DTNB: variants seen among roughly 807,000 people sequenced by gnomAD.
DTNB encodes dystrobrevin beta, also known as DTN-B.
Under a neutral mutation model 90.7 loss-of-function variants are expected in DTNB, and 63 were observed. The ratio of observed to expected loss-of-function variants is 0.69; its 90% CI spans 0.57 to 0.86. The LOEUF (loss-of-function observed/expected upper bound fraction) is 0.86, where lower values mean the gene tolerates loss of function less well. Among genes scored for constraint, DTNB ranks in the 40% least tolerant of loss-of-function variants. The probability of loss-of-function intolerance (pLI) is 0.00; values close to 1 mark genes in which losing one functional copy is unlikely to be tolerated. For missense variants in DTNB, 744 were observed against 807.1 expected, an observed-to-expected ratio of 0.92 and a Z score of 0.95; for synonymous variants, 277 against 286.7, an observed-to-expected ratio of 0.97 and a Z score of 0.34.
At chr2:25,568,059 G>A (rs2059298038) in intron 8 of DTNB, among the ~76,000 whole-genome samples, 1 of 151,916 alleles carries the variant, frequency 6.6e-6, no homozygotes, top group South Asian at 2.1e-4. Flanking sequence ...TTGGGAGGCT[G>A]AAGCAGGAGA....
At chr2:25,640,172 A>AT (rs2077949473) in intron 2 of DTNB, among the ~76,000 whole-genome samples, 1 of 152,196 alleles carries the variant, frequency 6.6e-6, no homozygotes, top group African/African-American at 2.4e-5. Flanking sequence ...TATAAATCAC[A>AT]TTTTGTTCTC....
At chr2:25,467,230 C>T (rs756503009) in intron 10 of DTNB, among the ~76,000 whole-genome samples, 3 of 152,066 alleles carry the variant, frequency 2.0e-5, no homozygotes, top group South Asian at 4.2e-4. Context: ...TTGACTACTG[C>T]TACTATACTA....
intron 9 of DTNB, among the ~76,000 whole-genome samples, chr2:25,512,610 C>T (rs987811202): frequency 5.3e-5 from 8 of 152,066 alleles, no homozygotes; most frequent in African/African-American, 1.7e-4. Flanking sequence ...AATAAGAGCT[C>T]AAGGAATTTA....
intron 6 of DTNB, among the ~76,000 whole-genome samples, chr2:25,590,715 G>A (rs1440610927): frequency 2.0e-5 from 3 of 152,178 alleles, no homozygotes; most frequent in African/African-American, 4.8e-5. Flanking sequence ...GGGAGGAAGC[G>A]CATGCTGACA....
chr2:25,434,024 T>C (rs2054838067), intron 12 of DTNB, 29 bp from the exon 13 acceptor site: 2 of 1,595,914 alleles, frequency 1.3e-6, no homozygotes, highest in South Asian at 1.1e-5. Flanking sequence ...GAGAAAGTTT[T>C]TTTTTTTCTG....
chr2:25,662,667 CACACACACACACAA>C (rs914231309), intron 1 of DTNB, among the ~76,000 whole-genome samples: 1 of 77,612 alleles, frequency 1.3e-5, no homozygotes, highest in African/African-American at 3.4e-5. Context: ...CACACACACA[CACACACACACACAA>C]ACACACACAC....
chr2:25,377,696 G>A (rs2036212608), intron 20 of DTNB, 143 bp from the exon 21 acceptor site: 1 of 152,384 alleles, frequency 6.6e-6, no homozygotes, highest in Non-Finnish European at 1.5e-5. Flanking sequence ...GCTGAAGGGT[G>A]GTACCTAGGG....
At chr2:25,551,392 T>C (rs1353771512) in intron 8 of DTNB, among the ~76,000 whole-genome samples, 5 of 152,214 alleles carry the variant, frequency 3.3e-5, no homozygotes, top group Non-Finnish European at 5.9e-5. Context: ...AGGCTTCCCC[T>C]GGATTTTCAT....
chr2:25,428,930 C>T (rs1470244281), intron 14 of DTNB, among the ~76,000 whole-genome samples: 1 of 152,168 alleles, frequency 6.6e-6, no homozygotes. Flanking sequence ...GAGTGTTCTA[C>T]GAACTTTAAA....
chr2:25,628,259 A>T lies in DTNB; in HGVS notation c.274T>A (p.Leu92Met). 1 of 1,613,362 alleles carries T rather than the reference A, an allele frequency of 6.2e-7. No homozygotes were observed. Among genetic ancestry groups the T allele is most frequent in the South Asian group, 1.1e-5 (1 of 91,046 alleles). Residue 92 changes from leucine to methionine, a missense_variant, in exon 4 of 21, where the codon TTG becomes ATG. By Grantham distance (15) the Leu-to-Met change is conservative. Coordinates refer to ENST00000406818, the MANE Select transcript of DTNB (RefSeq NM_021907.5). ...ETVISSIYYQ[L>M]NKRLPSTHQI... is the part of the protein sequence containing the mutation. ...TGAGTAGAAGGAAGGCGCTTGTTCA[A>T]CTGATAGTAGATGGAGGAGATGACA...
chr2:25,650,265 TG>T (rs35215717), intron 2 of DTNB: 6 of 983,752 alleles, frequency 6.1e-6, no homozygotes, highest in Admixed American at 6.1e-5. Context: ...TTTACTAACA[TG>T]GAAGTTTCAT....
chr2:25,400,959 AG>A (rs1362715857), intron 16 of DTNB, among the ~76,000 whole-genome samples: 1 of 152,208 alleles, frequency 6.6e-6, no homozygotes, highest in Non-Finnish European at 1.5e-5. Context: ...AACCCGAGAA[AG>A]CTCTGCATCA....
chr2:25,381,812 A>G (rs1463014326), intron 19 of DTNB, among the ~76,000 whole-genome samples: 1 of 152,198 alleles, frequency 6.6e-6, no homozygotes, highest in Non-Finnish European at 1.5e-5. Flanking sequence ...CTCTTCTCCC[A>G]GTTTCTTCCT....
chr2:25,660,004 CA>C (rs1024871827), intron 1 of DTNB, among the ~76,000 whole-genome samples: 2 of 152,048 alleles, frequency 1.3e-5, no homozygotes, highest in African/African-American at 4.8e-5. Context: ...AAACTTACTA[CA>C]AAACCACAGT....
chr2:25,388,498 A>G (rs912990553), intron 16 of DTNB, 137 bp from the exon 17 acceptor site: 9 of 1,230,008 alleles, frequency 7.3e-6, no homozygotes, highest in Non-Finnish European at 8.8e-6. Flanking sequence ...CTTGAAAGGA[A>G]GGAGTTAGGC....
intron 10 of DTNB, among the ~76,000 whole-genome samples, chr2:25,472,350 G>A (rs1255970228): frequency 6.6e-6 from 1 of 152,188 alleles, no homozygotes; most frequent in African/African-American, 2.4e-5. Flanking sequence ...AGGATGGGGA[G>A]GTCCTTCAGG....
intron 11 of DTNB, among the ~76,000 whole-genome samples, chr2:25,453,112 G>A (rs916743362): frequency 2.0e-5 from 3 of 152,088 alleles, no homozygotes; most frequent in Non-Finnish European, 4.4e-5. Context: ...ATTGGTAGCC[G>A]AAGAAGTGGG....
At chr2:25,636,331 C>G (rs2077123464) in intron 3 of DTNB, among the ~76,000 whole-genome samples, 1 of 152,164 alleles carries the variant, frequency 6.6e-6, no homozygotes, top group South Asian at 2.1e-4. Context: ...CCTGTACAGT[C>G]TCAAAATTTT....
chr2:25,436,077 CTT>C (rs1423511786), intron 12 of DTNB, among the ~76,000 whole-genome samples: 2 of 152,244 alleles, frequency 1.3e-5, no homozygotes. Flanking sequence ...GTGGCTCACA[CTT>C]GTAATCCAGC....
Sources: gnomAD v4.1 joint callset for allele counts (sites outside exome capture counted in the v4.1 genomes callset) on GRCh38, gnomAD v4.1.1 for gene constraint, MANE v1.5 for transcripts, NCBI Gene and HGNC (gene_info 2026-07-23, HGNC 2026-07-21) for gene names.